Variants in UHRF2 observed in about 807,000 individuals in gnomAD.
UHRF2 encodes the protein ubiquitin like with PHD and ring finger domains 2.
A neutral mutation model predicts 96.8 loss-of-function variants in UHRF2; 23 were observed. The ratio of observed to expected loss-of-function variants is 0.24; its 90% CI spans 0.17 to 0.34. The LOEUF (loss-of-function observed/expected upper bound fraction) is 0.34. Among genes scored for constraint, UHRF2 ranks in the 10% least tolerant of loss-of-function variants. UHRF2 has a pLI of 1.00. For missense variants in UHRF2, 685 were observed against 981.5 expected (o/e 0.70, Z 4.04); for synonymous variants, 385 against 332.6 (o/e 1.16, Z -1.72).
chr9:6,444,159 A>G (rs534554628), intron 3 of UHRF2, among the ~76,000 whole-genome samples: 3 of 152,336 alleles, frequency 2.0e-5, no homozygotes, highest in South Asian at 4.1e-4. Context: ...ATTAAGTGTC[A>G]TGTCAGTCTT....
At chr9:6,416,374 C>T (rs1373663424) in intron 1 of UHRF2, among the ~76,000 whole-genome samples, 1 of 150,758 alleles carries the variant, frequency 6.6e-6, no homozygotes, top group Non-Finnish European at 1.5e-5. Flanking sequence ...AGCCTTGACT[C>T]CACATTTGAG....
At chr9:6,464,188 T>C (rs1189383273) in intron 4 of UHRF2, among the ~76,000 whole-genome samples, 1 of 152,204 alleles carries the variant, frequency 6.6e-6, no homozygotes, top group Non-Finnish European at 1.5e-5. Context: ...CTCTGACTCC[T>C]AGTGGGGTTG....
chr9:6,437,560 A>G (rs1175376388), intron 3 of UHRF2, among the ~76,000 whole-genome samples: 1 of 152,144 alleles, frequency 6.6e-6, no homozygotes, highest in Non-Finnish European at 1.5e-5. Context: ...AGTAAGCTCC[A>G]AGTGAGTCGA....
chr9:6,485,140 C>T (rs7872736), intron 8 of UHRF2, among the ~76,000 whole-genome samples: 3,800 of 152,124 alleles, frequency 0.025, 166 homozygotes, highest in African/African-American at 0.087. Context: ...TTAATACTCT[C>T]TGTGTTCTCT....
At chr9:6,461,068 A>G (rs1432182680) in intron 4 of UHRF2, among the ~76,000 whole-genome samples, 1 of 152,244 alleles carries the variant, frequency 6.6e-6, no homozygotes, top group African/African-American at 2.4e-5. Flanking sequence ...TAGGATTCTT[A>G]TAGATTGAAC....
chr9:6,421,138 A>T lies in UHRF2; in HGVS notation c.380A>T (p.Tyr127Phe), dbSNP rs377366755. The change falls in exon 2 of 16, where the codon TAT (tyrosine) becomes TTT (phenylalanine). Residue 127 changes from tyrosine (Y) to phenylalanine (F), a missense_variant. By Grantham distance (22) the Tyr-to-Phe change is conservative. Transcript: ENST00000276893. ...ARLIDPGFGI[Y>F]KVNELVDARD... ...CTTATTGATCCTGGCTTTGGAATAT[A>T]TAAGGTATGTTGTTTTCTTCAGACT... 1 of 1,608,618 alleles carries T rather than the reference A, an allele frequency of 6.2e-7. No individual in the cohort carries two copies. Among genetic ancestry groups the T allele is most frequent in the Middle Eastern group, 1.7e-4 (1 of 6,058 alleles).
At chr9:6,500,773 T>C in intron 14 of UHRF2, 64 bp downstream of exon 14, 1 of 1,472,848 alleles carries the variant, frequency 6.8e-7, no homozygotes. Flanking sequence ...AATTGTCTCA[T>C]GAAGTCTGTT....
At chr9:6,505,896 G>C in intron 15 of UHRF2, 137 bp from the exon 16 acceptor site, 1 of 869,752 alleles carries the variant, frequency 1.1e-6, no homozygotes. Flanking sequence ...CCATAGTGCA[G>C]ATTCAAGCCT....
intron 4 of UHRF2, among the ~76,000 whole-genome samples, chr9:6,464,277 T>C (rs1174257996): frequency 6.6e-6 from 1 of 152,210 alleles, no homozygotes; most frequent in Non-Finnish European, 1.5e-5. Flanking sequence ...ACTTTTTTTG[T>C]TGTTAATTAA....
At chr9:6,443,327 A>C (rs1320411841) in intron 3 of UHRF2, among the ~76,000 whole-genome samples, 2 of 152,228 alleles carry the variant, frequency 1.3e-5, no homozygotes, top group African/African-American at 4.8e-5. Flanking sequence ...TGTAATCTTC[A>C]TAGAAACTCA....
intron 4 of UHRF2, among the ~76,000 whole-genome samples, chr9:6,463,450 C>G (rs1464902699): frequency 6.6e-6 from 1 of 151,490 alleles, no homozygotes; most frequent in Non-Finnish European, 1.5e-5. Context: ...TAAAAAGGAA[C>G]CAGTGTGGCT....
intron 3 of UHRF2, among the ~76,000 whole-genome samples, chr9:6,436,375 A>AC (rs947843575): frequency 6.6e-6 from 1 of 152,212 alleles, no homozygotes; most frequent in African/African-American, 2.4e-5. Context: ...CCAGAACTGA[A>AC]CTGAGGCTGG....
At chr9:6,504,819 G>A in intron 15 of UHRF2, 128 bp downstream of exon 15, 1 of 596,430 alleles carries the variant, frequency 1.7e-6, no homozygotes, top group Non-Finnish European at 2.8e-6. Context: ...TAGTTAAGAA[G>A]CATTTAGTTA....
At chr9:6,459,096 T>C (rs1005355347) in intron 3 of UHRF2, among the ~76,000 whole-genome samples, 1 of 152,072 alleles carries the variant, frequency 6.6e-6, no homozygotes, top group African/African-American at 2.4e-5. Context: ...AAGGATAGCA[T>C]TAGGAGAAAT....
At chr9:6,497,136 TGACTC>T (rs1825016943) in intron 10 of UHRF2, 57 bp from the exon 11 acceptor site, 1 of 1,482,512 alleles carries the variant, frequency 6.7e-7, no homozygotes, top group South Asian at 1.2e-5. Flanking sequence ...ATTGAGCTAA[TGACTC>T]GATTGTGTAC....
chr9:6,422,701 C>A, intron 2 of UHRF2: 1 of 565,284 alleles, frequency 1.8e-6, no homozygotes, highest in South Asian at 2.4e-5. Context: ...CCTTGACCTG[C>A]TGGGGTCAAG....
intron 3 of UHRF2, among the ~76,000 whole-genome samples, chr9:6,446,390 G>A (rs1397126708): frequency 1.3e-5 from 2 of 151,396 alleles, no homozygotes; most frequent in African/African-American, 4.9e-5. Context: ...TGATCCACCT[G>A]CCTCAGCCTC....
intron 3 of UHRF2, among the ~76,000 whole-genome samples, chr9:6,442,515 A>G (rs919158305): frequency 6.6e-6 from 1 of 151,986 alleles, no homozygotes; most frequent in Admixed American, 6.6e-5. Flanking sequence ...GTCTTGTTCC[A>G]TCACCCTGAT....
chr9:6,426,114 C>G (rs1820247481), intron 2 of UHRF2, among the ~76,000 whole-genome samples: 2 of 152,232 alleles, frequency 1.3e-5, no homozygotes, highest in South Asian at 4.1e-4. Context: ...TAGCAAACTT[C>G]TCAATACTCC....
Sources: allele counts gnomAD v4.1 joint callset (sites outside exome capture counted in the v4.1 genomes callset), GRCh38; gene constraint gnomAD v4.1.1; transcripts MANE v1.5; gene names NCBI Gene and HGNC (gene_info 2026-07-23, HGNC 2026-07-21).